The following RFC3 variants were observed in gnomAD, a reference collection of about 807,000 sequenced individuals.
The protein encoded by RFC3 is A1 38 kDa subunit.
Under a neutral mutation model 45.1 loss-of-function variants are expected in RFC3, and 41 were observed. That is an observed-to-expected ratio of 0.91 (90% confidence interval 0.71 to 1.18). The LOEUF (loss-of-function observed/expected upper bound fraction) is 1.18, where lower values mean the gene tolerates loss of function less well. RFC3 is among the 50% of genes most tolerant of loss of function. RFC3 has a pLI of 0.00. For synonymous variants in RFC3, 149 were observed against 144.0 expected (o/e 1.03, Z -0.25); for missense variants, 423 against 428.1 (o/e 0.99, Z 0.10).
At chr13:33,968,403 C>T (rs2083097509), downstream of RFC3, among the ~76,000 whole-genome samples, 1 of 152,248 alleles carries the variant, frequency 6.6e-6, no homozygotes. Context: ...GCTGGGATTA[C>T]AGGTGTGCCA....
At chr13:33,900,101 ACTC>A (rs2082630270) in intron 8 of RFC3, among the ~76,000 whole-genome samples, 1 of 152,008 alleles carries the variant, frequency 6.6e-6, no homozygotes, top group Non-Finnish European at 1.5e-5. Context: ...TGACAATACT[ACTC>A]AAAGAAATGT....
chr13:33,927,483 G>C (rs947419755), intron 8 of RFC3, among the ~76,000 whole-genome samples: 3 of 152,090 alleles, frequency 2.0e-5, no homozygotes, highest in African/African-American at 7.2e-5. Context: ...TTCTTGGAAG[G>C]GGCTTGCACA....
At chr13:33,945,034 C>T (rs574494197) in intron 8 of RFC3, among the ~76,000 whole-genome samples, 2 of 152,172 alleles carry the variant, frequency 1.3e-5, no homozygotes, top group Non-Finnish European at 2.9e-5. Flanking sequence ...CCTATTTCCT[C>T]CTCAGATCCC....
chr13:33,941,466 T>A (rs934473950), intron 8 of RFC3, among the ~76,000 whole-genome samples: 13 of 152,176 alleles, frequency 8.5e-5, no homozygotes, highest in African/African-American at 2.9e-4. Context: ...TTTTCTTAAT[T>A]TGTATTTGTC....
At chr13:33,915,648 T>C (rs2082728279) in intron 8 of RFC3, among the ~76,000 whole-genome samples, 2 of 152,086 alleles carry the variant, frequency 1.3e-5, no homozygotes, top group Admixed American at 6.6e-5. Context: ...CCAGTCAGAA[T>C]TGGGTAGGAG....
chr13:33,949,209 G>A (rs2082973653), intron 8 of RFC3, among the ~76,000 whole-genome samples: 1 of 152,038 alleles, frequency 6.6e-6, no homozygotes, highest in Non-Finnish European at 1.5e-5. Context: ...AGATCTGATG[G>A]TTTTATAAGT....
chr13:33,934,187 T>A (rs1331507425), intron 8 of RFC3, among the ~76,000 whole-genome samples: 1 of 144,344 alleles, frequency 6.9e-6, no homozygotes, highest in Non-Finnish European at 1.5e-5. Context: ...AAAAAAAAAA[T>A]CTGGGTGCAA....
At chr13:33,855,911 TC>T (rs2082306322) in intron 8 of RFC3, among the ~76,000 whole-genome samples, 1 of 152,248 alleles carries the variant, frequency 6.6e-6, no homozygotes, top group East Asian at 1.9e-4. Context: ...TCTACCATTC[TC>T]TAGGTTATCT....
chr13:33,890,749 T>C (rs2082558480), intron 8 of RFC3, among the ~76,000 whole-genome samples: 1 of 152,206 alleles, frequency 6.6e-6, no homozygotes. Context: ...CACCATCTTA[T>C]TGATGATGAA....
chr13:33,851,733 T>G (rs1000344033), intron 8 of RFC3, among the ~76,000 whole-genome samples: 4 of 152,260 alleles, frequency 2.6e-5, no homozygotes, highest in Non-Finnish European at 5.9e-5. Context: ...CAGTGACTAT[T>G]TTTTGTGTAA....
At chr13:33,879,617 A>T (rs758146930) in intron 8 of RFC3, among the ~76,000 whole-genome samples, 2 of 152,264 alleles carry the variant, frequency 1.3e-5, no homozygotes, top group Non-Finnish European at 2.9e-5. Flanking sequence ...TACCAAAATA[A>T]AAAAGAAATA....
At chr13:33,935,160 G>T (rs1417771768) in intron 8 of RFC3, among the ~76,000 whole-genome samples, 3 of 151,924 alleles carry the variant, frequency 2.0e-5, no homozygotes, top group Non-Finnish European at 4.4e-5. Flanking sequence ...TGTCAAGGGG[G>T]CAGGGACAAT....
intron 1 of RFC3, among the ~76,000 whole-genome samples, chr13:33,820,931 A>G (rs1332490527): frequency 6.8e-6 from 1 of 147,680 alleles, no homozygotes; most frequent in Non-Finnish European, 1.5e-5. Flanking sequence ...ATATATATAT[A>G]TATAAAAGAT....
chr13:33,970,686 A>G (rs1341698161), downstream of RFC3, among the ~76,000 whole-genome samples: 1 of 152,226 alleles, frequency 6.6e-6, no homozygotes, highest in Non-Finnish European at 1.5e-5. Context: ...TTCTTACTGT[A>G]TGTAACTGAC....
downstream of RFC3, among the ~76,000 whole-genome samples, chr13:33,839,950 T>C (rs1339542273): frequency 6.6e-6 from 1 of 152,228 alleles, no homozygotes; most frequent in Non-Finnish European, 1.5e-5. Context: ...TTTTGTCTTC[T>C]GGGTTGTGTT....
chr13:33,864,952 G>A lies in RFC3; in HGVS notation c.879+29735G>A, dbSNP rs529152326. The stretch of plus-strand genomic sequence containing the variant: ...GAGATGTAAAGAGAGGTAAAGCCTA[G>A]GGATGTATTGATGAAAATAATCGAT... On this transcript the variant is annotated intron_variant, in intron 8 of 8. Transcript: ENST00000434425. 7.2e-4 allele frequency among the ~76,000 whole-genome samples: 109 copies of A among 152,218 alleles called. 1 individual carries two copies. The highest frequency in any genetic ancestry group is 2.6e-3 in the African/African-American group (106 of 41,518).
chr13:33,881,717 A>G (rs192971697), intron 8 of RFC3, among the ~76,000 whole-genome samples: 3 of 151,756 alleles, frequency 2.0e-5, no homozygotes, highest in Non-Finnish European at 4.4e-5. Context: ...TGTACCCTCC[A>G]TGGCTCCAGT....
At chr13:33,899,182 A>G (rs1453609924) in intron 8 of RFC3, among the ~76,000 whole-genome samples, 2 of 147,456 alleles carry the variant, frequency 1.4e-5, no homozygotes, top group Non-Finnish European at 3.0e-5. Context: ...TGATAACAAA[A>G]CCAGACGAAG....
At chr13:33,844,389 C>T (rs149468720) in intron 8 of RFC3, among the ~76,000 whole-genome samples, 6 of 152,306 alleles carry the variant, frequency 3.9e-5, no homozygotes, top group Non-Finnish European at 8.8e-5. Flanking sequence ...CCAGTTTCTG[C>T]TGTTCTTCTC....
Sources: allele counts gnomAD v4.1 joint callset (sites outside exome capture counted in the v4.1 genomes callset), GRCh38; gene constraint gnomAD v4.1.1; transcripts MANE v1.5; gene names NCBI Gene and HGNC (gene_info 2026-07-23, HGNC 2026-07-21).